MAPKAP1: variants seen among roughly 807,000 people sequenced by gnomAD.
The protein encoded by MAPKAP1 is target of rapamycin complex 2 subunit MAPKAP1.
A neutral mutation model predicts 65.7 loss-of-function variants in MAPKAP1; 20 were observed. The observed-to-expected ratio is 0.30, with a 90% CI of 0.21 to 0.44. The LOEUF is 0.44. Among genes scored for constraint, MAPKAP1 ranks in the 20% least tolerant of loss-of-function variants. MAPKAP1 has a pLI of 1.00. For missense variants in MAPKAP1, 423 were observed against 648.0 expected, an observed-to-expected ratio of 0.65 and a Z score of 3.77; for synonymous variants, 222 against 244.3, an observed-to-expected ratio of 0.91 and a Z score of 0.85.
At chr9:125,487,437 T>C (rs1854531391) in intron 8 of MAPKAP1, among the ~76,000 whole-genome samples, 2 of 102,974 alleles carry the variant, frequency 1.9e-5, no homozygotes, top group Admixed American at 2.0e-4. Context: ...AATATTAAAA[T>C]CATTTAATGT....
chr9:125,612,315 T>C (rs892492162), intron 4 of MAPKAP1, among the ~76,000 whole-genome samples: 4 of 152,212 alleles, frequency 2.6e-5, no homozygotes, highest in Non-Finnish European at 5.9e-5. Flanking sequence ...ATAATATTTA[T>C]AAAAGGTGAC....
At chr9:125,671,489 C>A (rs1834496378) in intron 2 of MAPKAP1, among the ~76,000 whole-genome samples, 1 of 151,906 alleles carries the variant, frequency 6.6e-6, no homozygotes, top group African/African-American at 2.4e-5. Context: ...CAGGTTACTG[C>A]TAATTTGAAG....
chr9:125,578,953 G>A (rs953493829), intron 5 of MAPKAP1, among the ~76,000 whole-genome samples: 4 of 152,124 alleles, frequency 2.6e-5, no homozygotes, highest in African/African-American at 9.7e-5. Context: ...AAAAATTATA[G>A]CATAGTAAGC....
At chr9:125,494,026 C>T (rs534484234) in intron 8 of MAPKAP1, among the ~76,000 whole-genome samples, 4 of 152,294 alleles carry the variant, frequency 2.6e-5, no homozygotes, top group African/African-American at 4.8e-5. Context: ...AACACAGTCA[C>T]GCCTGGCCAT....
At chr9:125,575,961 T>A (rs994835295) in intron 5 of MAPKAP1, among the ~76,000 whole-genome samples, 1 of 152,232 alleles carries the variant, frequency 6.6e-6, no homozygotes, top group Admixed American at 6.5e-5. Flanking sequence ...TTTCAATAGA[T>A]GAATGAATAA....
Position 125,462,255 on chromosome 9 carries a change from C to A in MAPKAP1, c.1345+5717G>T, listed in dbSNP as rs151283277. Among the ~76,000 whole-genome samples the A allele has an allele frequency of 6.1e-3, 922 of 152,324 alleles. 8 individuals carry two copies. Among genetic ancestry groups the A allele is most frequent in the African/African-American group, 0.021 (866 of 41,566 alleles). On this transcript the variant is annotated intron_variant, in intron 10 of 11. Coordinates refer to ENST00000265960, the MANE Select transcript of MAPKAP1 (RefSeq NM_001006617.3). ...GTAACAAGCATGAATCCTTCAGCCACAGTCTCCCTGCTCTCCTTTGTTGGG... is the reference window on the plus strand; with the variant it reads ...GTAACAAGCATGAATCCTTCAGCCAAAGTCTCCCTGCTCTCCTTTGTTGGG...
intron 4 of MAPKAP1, among the ~76,000 whole-genome samples, chr9:125,591,960 G>A (rs1308814493): frequency 6.6e-6 from 1 of 152,184 alleles, no homozygotes; most frequent in Non-Finnish European, 1.5e-5. Flanking sequence ...CACCATACAG[G>A]ACTGGGGAAA....
chr9:125,624,610 TGG>T (rs1163952873), intron 4 of MAPKAP1, among the ~76,000 whole-genome samples: 2,844 of 16,288 alleles, frequency 0.17, 374 homozygotes, highest in African/African-American at 0.26. Flanking sequence ...GGGAGGGAGG[TGG>T]GGGGGGGGGT....
At chr9:125,635,626 C>T (rs1212519116) in intron 4 of MAPKAP1, among the ~76,000 whole-genome samples, 3 of 152,152 alleles carry the variant, frequency 2.0e-5, no homozygotes, top group Non-Finnish European at 4.4e-5. Context: ...GCATTCTACA[C>T]AAACAAGAAA....
intron 7 of MAPKAP1, among the ~76,000 whole-genome samples, chr9:125,518,064 T>C (rs1005168662): frequency 2.0e-5 from 3 of 152,218 alleles, no homozygotes; most frequent in African/African-American, 7.2e-5. Context: ...TTCCACAAGG[T>C]GGCCTTGAAA....
chr9:125,482,649 A>G (rs1423648463), intron 9 of MAPKAP1, among the ~76,000 whole-genome samples: 1 of 152,232 alleles, frequency 6.6e-6, no homozygotes, highest in African/African-American at 2.4e-5. Flanking sequence ...AATGATGTAC[A>G]TAATTTTGTT....
chr9:125,473,344 C>T (rs1187280229), intron 9 of MAPKAP1, among the ~76,000 whole-genome samples: 2 of 152,146 alleles, frequency 1.3e-5, no homozygotes, highest in Non-Finnish European at 2.9e-5. Context: ...AGCTCCCTCC[C>T]CTAACCACTT....
intron 1 of MAPKAP1, among the ~76,000 whole-genome samples, chr9:125,683,157 T>C (rs1428188578): frequency 6.6e-6 from 1 of 151,886 alleles, no homozygotes. Context: ...GGAGTTTCAC[T>C]ATGTTGGGCA....
chr9:125,500,584 C>T (rs1277041779), intron 8 of MAPKAP1, among the ~76,000 whole-genome samples: 1 of 152,118 alleles, frequency 6.6e-6, no homozygotes, highest in Non-Finnish European at 1.5e-5. Flanking sequence ...TACATACATG[C>T]ATATACAAAA....
chr9:125,525,530 G>T (rs1358033300), intron 7 of MAPKAP1, among the ~76,000 whole-genome samples: 3 of 152,006 alleles, frequency 2.0e-5, no homozygotes, highest in Non-Finnish European at 4.4e-5. Flanking sequence ...AAAATTAGCC[G>T]GGTGCGGTGG....
At chr9:125,621,396 C>T (rs1052615502) in intron 4 of MAPKAP1, among the ~76,000 whole-genome samples, 1 of 152,130 alleles carries the variant, frequency 6.6e-6, no homozygotes, top group Non-Finnish European at 1.5e-5. Context: ...AATATTATTA[C>T]TAACCCTAGC....
intron 4 of MAPKAP1, among the ~76,000 whole-genome samples, chr9:125,638,625 C>T (rs938820728): frequency 2.0e-5 from 3 of 152,188 alleles, no homozygotes; most frequent in Admixed American, 1.3e-4. Context: ...CAAATTACCT[C>T]GATCTGCCCA....
Position 125,698,298 on chromosome 9 carries a change from T to TAA in MAPKAP1, c.-70+8672_-70+8673insTT, listed in dbSNP as rs1275909023. On this transcript the variant is annotated intron_variant, in intron 1 of 11. Coordinates refer to ENST00000265960, the MANE Select transcript of MAPKAP1 (RefSeq NM_001006617.3). ...TACATAATATATATAAATATATATA[T>TAA]ATATATATATATATATATATATATA... 4.0e-3 allele frequency among the ~76,000 whole-genome samples: 51 copies of TAA among 12,850 alleles called. 1 individual carries two copies. In the East Asian group the frequency reaches 0.054, roughly 14 times the overall value. 8.4% of individuals were successfully genotyped at this position (12,850 alleles called of 152,430 possible). A position where few individuals can be genotyped will look rare whatever the true frequency, so the allele number is the denominator to read the frequency against.
At chr9:125,687,566 G>A (rs1466793770) in intron 1 of MAPKAP1, among the ~76,000 whole-genome samples, 7 of 151,864 alleles carry the variant, frequency 4.6e-5, no homozygotes, top group Admixed American at 2.6e-4. Context: ...CACTTAAGGC[G>A]GGGAGTTTGA....
Sources: gnomAD v4.1 joint callset for allele counts (sites outside exome capture counted in the v4.1 genomes callset) on GRCh38, gnomAD v4.1.1 for gene constraint, MANE v1.5 for transcripts, NCBI Gene and HGNC (gene_info 2026-07-23, HGNC 2026-07-21) for gene names.